Variants in C14orf39 observed in about 807,000 individuals in gnomAD.
C14orf39 encodes the protein chromosome 14 open reading frame 39.
C14orf39 carries 66 observed loss-of-function variants against 85.6 expected under a neutral mutation model. The observed-to-expected ratio is 0.77, with a 90% CI of 0.63 to 0.95. C14orf39 has a LOEUF of 0.95. Ranked by LOEUF, C14orf39 falls within the 40% of genes least tolerant of loss-of-function variation. C14orf39 has a pLI of 0.00. For synonymous variants in C14orf39, 242 were observed against 214.0 expected (o/e 1.13, Z -1.14); for missense variants, 735 against 663.9 (o/e 1.11, Z -1.18).
chr14:60,458,226 C>G (rs1891366193), intron 14 of C14orf39, among the ~76,000 whole-genome samples: 1 of 151,934 alleles, frequency 6.6e-6, no homozygotes, highest in South Asian at 2.1e-4. Flanking sequence ...TTTCTTCTCT[C>G]AAACTATATA....
intron 11 of C14orf39, among the ~76,000 whole-genome samples, chr14:60,464,246 T>C (rs1446335734): frequency 2.0e-5 from 3 of 152,116 alleles, no homozygotes; most frequent in Non-Finnish European, 4.4e-5. Context: ...AAAGAAAACA[T>C]AGATGAAGCT....
chr14:60,455,472 G>A (rs1891228830), intron 15 of C14orf39, among the ~76,000 whole-genome samples: 1 of 152,034 alleles, frequency 6.6e-6, no homozygotes, highest in South Asian at 2.1e-4. Context: ...GCCAAAGGTG[G>A]CAGGTGAATG....
intron 4 of C14orf39, among the ~76,000 whole-genome samples, chr14:60,481,422 C>T (rs111599998): frequency 1.5e-3 from 233 of 152,082 alleles, no homozygotes; most frequent in African/African-American, 4.4e-3. Context: ...TTTGGGAGGC[C>T]GAAGTGGGAG....
chr14:60,462,457 T>C (rs1265418527), intron 11 of C14orf39, among the ~76,000 whole-genome samples: 1 of 152,186 alleles, frequency 6.6e-6, no homozygotes, highest in Non-Finnish European at 1.5e-5. Context: ...AAGCCTTTTG[T>C]TCTCCTTGAA....
Position 60,478,325 on chromosome 14 carries a change from A to T in C14orf39, c.298T>A (p.Tyr100Asn), listed in dbSNP as rs372620897. ...TTGTCTTTTTCAACAGTTCCTTGAT[A>T]AACAGTAAATTGGTCCTGCATATAA... ...EDYMQDQFTV[Y>N]QGTVEKDKEM... Residue 100 changes from tyrosine to asparagine, a missense_variant, in exon 5 of 18, where the codon TAT (tyrosine) becomes AAT (asparagine). Tyr to Asn is a moderately radical substitution (Grantham distance 143, BLOSUM62 -2). Transcript: ENST00000321731. 25 of 1,572,942 alleles carry T rather than the reference A, an allele frequency of 1.6e-5. No homozygotes were observed. Among genetic ancestry groups the T allele is most frequent in the Non-Finnish European group, 1.9e-5 (22 of 1,162,312 alleles).
At chr14:60,455,227 G>A in intron 15 of C14orf39, 82 bp from the exon 16 acceptor site, 1 of 993,726 alleles carries the variant, frequency 1.0e-6, no homozygotes, top group Non-Finnish European at 1.5e-6. Context: ...CAACAGCATA[G>A]AGGTGAGAAT....
intron 3 of C14orf39, 40 bp from the exon 4 acceptor site, chr14:60,483,857 A>G (rs1892758204): frequency 7.3e-7 from 1 of 1,368,464 alleles, no homozygotes; most frequent in Non-Finnish European, 1.0e-6. Context: ...TGTAGAAATA[A>G]TAAGTTCAAA....
At chr14:60,438,588 G>T (rs974567781) in intron 17 of C14orf39, among the ~76,000 whole-genome samples, 1 of 151,960 alleles carries the variant, frequency 6.6e-6, no homozygotes, top group Non-Finnish European at 1.5e-5. Context: ...TAAAATCCTT[G>T]TCCTCAAAAA....
chr14:60,456,253 G>A (rs1891272448), intron 15 of C14orf39, among the ~76,000 whole-genome samples: 3 of 151,932 alleles, frequency 2.0e-5, no homozygotes, highest in Admixed American at 6.6e-5. Context: ...CTACAAATAC[G>A]TGGTTTCCAA....
intron 11 of C14orf39, among the ~76,000 whole-genome samples, chr14:60,463,398 T>C (rs1891626600): frequency 6.6e-6 from 1 of 152,160 alleles, no homozygotes; most frequent in African/African-American, 2.4e-5. Context: ...ATCATATATG[T>C]TTTTTATTTT....
intron 4 of C14orf39, among the ~76,000 whole-genome samples, chr14:60,479,991 T>G (rs777459566): frequency 6.6e-6 from 1 of 152,154 alleles, no homozygotes; most frequent in Non-Finnish European, 1.5e-5. Context: ...AGGATCTGAA[T>G]AGACATTTCT....
Position 60,484,893 on chromosome 14 carries a change from G to C in C14orf39, c.94C>G (p.Gln32Glu). The C allele has an allele frequency of 1.3e-6, 2 of 1,563,594 alleles. No individual in the cohort carries two copies. The highest frequency in any genetic ancestry group is 1.7e-6 in the Non-Finnish European group (2 of 1,149,170). ...QDISTKEEMI[Q>E]RINKCCEDIK... Reference sequence around the variant, plus strand: ...CAAAGCTACTTACTATTAATTCTTTGAATCATCTCTTCTTTAGTACTTATG... The same window carrying C: ...CAAAGCTACTTACTATTAATTCTTTCAATCATCTCTTCTTTAGTACTTATG... Residue 32 changes from glutamine to glutamate, a missense_variant, in exon 3 of 18, where the codon CAA (glutamine) becomes GAA (glutamate). Coordinates refer to ENST00000321731, the MANE Select transcript of C14orf39 (RefSeq NM_174978.3). This position sits in a 1 kb window ranked among gnomAD's most constrained non-coding sequence, Gnocchi z 4.2.
At chr14:60,514,058 G>T (rs1415205355) in intron 1 of C14orf39, among the ~76,000 whole-genome samples, 1 of 152,124 alleles carries the variant, frequency 6.6e-6, no homozygotes, top group African/African-American at 2.4e-5. Context: ...TAATGTGATG[G>T]CACCTAATTG....
chr14:60,481,215 A>G (rs924225614), intron 4 of C14orf39, among the ~76,000 whole-genome samples: 5 of 152,232 alleles, frequency 3.3e-5, no homozygotes, highest in African/African-American at 4.8e-5. Context: ...CTAAACATAC[A>G]TAATTATTTT....
chr14:60,453,300 A>C (rs76943607), intron 16 of C14orf39, among the ~76,000 whole-genome samples: 1 of 151,894 alleles, frequency 6.6e-6, no homozygotes, highest in Non-Finnish European at 1.5e-5. Flanking sequence ...TTTTATCTTT[A>C]TGAAACGTCC....
At chr14:60,450,381 C>T (rs1225256129) in intron 16 of C14orf39, among the ~76,000 whole-genome samples, 1 of 152,156 alleles carries the variant, frequency 6.6e-6, no homozygotes, top group Non-Finnish European at 1.5e-5. Context: ...CCTGGCAGAC[C>T]CCCACCATGA....
intron 16 of C14orf39, among the ~76,000 whole-genome samples, chr14:60,450,967 C>T (rs61992555): frequency 0.041 from 6,283 of 152,290 alleles, 175 homozygotes; most frequent in Non-Finnish European, 0.062. Context: ...CCTTTGAATA[C>T]TTGGAAAGCC....
chr14:60,445,088 C>A (rs1890699126), intron 16 of C14orf39, among the ~76,000 whole-genome samples: 1 of 152,172 alleles, frequency 6.6e-6, no homozygotes, highest in Non-Finnish European at 1.5e-5. Flanking sequence ...TGGAAAGGAA[C>A]AACCAGTACC....
At chr14:60,446,965 T>C (rs1399653906) in intron 16 of C14orf39, among the ~76,000 whole-genome samples, 3 of 152,126 alleles carry the variant, frequency 2.0e-5, no homozygotes, top group Admixed American at 6.5e-5. Flanking sequence ...ATTATCTCAA[T>C]AGATGCAGAA....
Sources: gnomAD v4.1 joint callset for allele counts (sites outside exome capture counted in the v4.1 genomes callset) on GRCh38, gnomAD v4.1.1 for gene constraint, Gnocchi (gnomAD v3.1) non-coding constraint, MANE v1.5 for transcripts, NCBI Gene and HGNC (gene_info 2026-07-23, HGNC 2026-07-21) for gene names.